Variants in ADAMTS3 observed in about 807,000 individuals in gnomAD.
ADAMTS3 encodes ADAM metallopeptidase with thrombospondin type 1 motif 3, also known as A disintegrin and metalloproteinase with thrombospondin motifs 3.
ADAMTS3 carries 73 observed loss-of-function variants against 129.0 expected under a neutral mutation model. The observed-to-expected ratio is 0.57, with a 90% CI of 0.47 to 0.69. ADAMTS3 has a LOEUF of 0.69. Ranked by LOEUF, ADAMTS3 falls within the 30% of genes least tolerant of loss-of-function variation. The pLI, the probability that ADAMTS3 is intolerant of heterozygous loss-of-function variation, is 0.00. For synonymous variants in ADAMTS3, 477 were observed against 510.8 expected (o/e 0.93, Z 0.89); for missense variants, 1,457 against 1,514.5 (o/e 0.96, Z 0.63).
At chr4:72,393,507 C>T (rs976600998) in intron 4 of ADAMTS3, among the ~76,000 whole-genome samples, 1 of 152,072 alleles carries the variant, frequency 6.6e-6, no homozygotes, top group African/African-American at 2.4e-5. Context: ...CTTAGCATCC[C>T]ACCTCCCAAT....
chr4:72,287,671 C>T (rs1168823898), intron 21 of ADAMTS3, among the ~76,000 whole-genome samples: 2 of 152,006 alleles, frequency 1.3e-5, no homozygotes, highest in African/African-American at 4.8e-5. Flanking sequence ...AAATGAGCCA[C>T]ATACAGGCAG....
At chr4:72,528,687 C>G (rs1720879855) in intron 3 of ADAMTS3, among the ~76,000 whole-genome samples, 1 of 152,024 alleles carries the variant, frequency 6.6e-6, no homozygotes, top group Non-Finnish European at 1.5e-5. Context: ...ACCTCAAAAA[C>G]TTTCAAGTTC....
At chr4:72,347,464 GA>G (rs138186581) in intron 4 of ADAMTS3, among the ~76,000 whole-genome samples, 2,658 of 151,604 alleles carry the variant, frequency 0.018, 81 homozygotes, top group African/African-American at 0.061. Flanking sequence ...ACAGTGCTCT[GA>G]AAAAGACTAC....
intron 4 of ADAMTS3, among the ~76,000 whole-genome samples, chr4:72,354,584 C>A (rs1720527398): frequency 6.6e-6 from 1 of 151,920 alleles, no homozygotes; most frequent in Admixed American, 6.6e-5. Context: ...GCAAATCATT[C>A]AATAATAGAG....
At chr4:72,306,574 T>C (rs1306998135) in intron 15 of ADAMTS3, among the ~76,000 whole-genome samples, 2 of 152,030 alleles carry the variant, frequency 1.3e-5, no homozygotes, top group Non-Finnish European at 2.9e-5. Flanking sequence ...TTCTTTATTC[T>C]AAAGGAGTTA....
intron 3 of ADAMTS3, among the ~76,000 whole-genome samples, chr4:72,483,815 G>A (rs1021829681): frequency 7.9e-5 from 12 of 152,118 alleles, no homozygotes; most frequent in African/African-American, 2.9e-4. Flanking sequence ...TCAGGAGATT[G>A]AGACCATCCT....
At chr4:72,475,020 C>CCG (rs1407499693) in intron 3 of ADAMTS3, among the ~76,000 whole-genome samples, 3 of 148,046 alleles carry the variant, frequency 2.0e-5, no homozygotes, top group African/African-American at 7.4e-5. Flanking sequence ...GAGCGAGACT[C>CCG]CGTCTAAAAA....
intron 3 of ADAMTS3, among the ~76,000 whole-genome samples, chr4:72,462,453 C>G (rs1718796640): frequency 1.3e-5 from 2 of 151,960 alleles, no homozygotes; most frequent in South Asian, 2.1e-4. Context: ...CCAAGCACAT[C>G]AAAGAAACAT....
chr4:72,344,131 TA>T (rs1214079338), intron 4 of ADAMTS3, among the ~76,000 whole-genome samples: 2 of 152,120 alleles, frequency 1.3e-5, no homozygotes, highest in Admixed American at 6.6e-5. Flanking sequence ...TAAATACAGT[TA>T]TTTTTAGTGT....
chr4:72,314,803 A>G (rs1719346899), intron 11 of ADAMTS3, among the ~76,000 whole-genome samples: 1 of 152,168 alleles, frequency 6.6e-6, no homozygotes, highest in Non-Finnish European at 1.5e-5. Flanking sequence ...TTTTATTATT[A>G]TTATGCATAT....
chr4:72,358,456 A>C (rs1466276209), intron 4 of ADAMTS3, among the ~76,000 whole-genome samples: 1 of 151,972 alleles, frequency 6.6e-6, no homozygotes, highest in Non-Finnish European at 1.5e-5. Context: ...TGGGCTGTAC[A>C]TATATAATAT....
intron 4 of ADAMTS3, among the ~76,000 whole-genome samples, chr4:72,362,496 G>A (rs1720755167): frequency 6.6e-6 from 1 of 152,104 alleles, no homozygotes. Context: ...TGTCAAAGTA[G>A]CCCTTATTAT....
At chr4:72,518,169 A>G (rs939064991) in intron 3 of ADAMTS3, among the ~76,000 whole-genome samples, 13 of 151,922 alleles carry the variant, frequency 8.6e-5, no homozygotes, top group African/African-American at 3.1e-4. Context: ...CTTAATCCTG[A>G]GTTCTAGTTT....
At position 72,312,388 on chromosome 4, in the gene ADAMTS3, GT is replaced by G. The variant is rs1424711835; in HGVS notation, c.1823del (p.His608ProfsTer53). 6.2e-7 allele frequency: 1 copy of G among 1,613,652 alleles called. No homozygotes were observed. The highest frequency in any genetic ancestry group is 8.5e-7 in the Non-Finnish European group (1 of 1,179,814). ...ACTGCTGTGCTCTGAAGTCCTCAAA[GT>G]GTTTTTGGCATTCTTCTGTGTTACA... Reference protein sequence around the residue: ...QLCNTEECQKHFEDFRAQQCQ... With the variant: ...QLCNTEECQKXFEDFRAQQCQ... On this transcript the variant is annotated frameshift_variant, in exon 13 of 22. Transcript: ENST00000286657. LOFTEE classifies it high-confidence loss of function.
chr4:72,401,017 A>T (rs1324339129), intron 4 of ADAMTS3, among the ~76,000 whole-genome samples: 1 of 150,976 alleles, frequency 6.6e-6, no homozygotes, highest in East Asian at 2.1e-4. Context: ...TACAGGGGCC[A>T]TTAGTCGTAT....
intron 3 of ADAMTS3, among the ~76,000 whole-genome samples, chr4:72,483,731 G>A (rs1578723678): frequency 1.3e-5 from 2 of 152,116 alleles, no homozygotes; most frequent in East Asian, 3.9e-4. Flanking sequence ...CATTAAGATA[G>A]CATTTGTGCC....
At chr4:72,363,734 C>T (rs537194948) in intron 4 of ADAMTS3, among the ~76,000 whole-genome samples, 4 of 149,832 alleles carry the variant, frequency 2.7e-5, no homozygotes, top group Non-Finnish European at 4.4e-5. Context: ...TCATACCAAA[C>T]GTTATAAAAA....
intron 6 of ADAMTS3, 66 bp downstream of exon 6, chr4:72,322,948 C>T (rs1719596231): frequency 3.2e-6 from 4 of 1,262,718 alleles, no homozygotes; most frequent in Non-Finnish European, 1.2e-6. Flanking sequence ...GTAGCTTGAA[C>T]AATTTAGTCT....
At chr4:72,451,727 A>G (rs1718411825) in intron 3 of ADAMTS3, among the ~76,000 whole-genome samples, 1 of 151,270 alleles carries the variant, frequency 6.6e-6, no homozygotes, top group South Asian at 2.1e-4. Flanking sequence ...TATACGTTAA[A>G]GGAAATATGA....
Sources: allele counts gnomAD v4.1 joint callset (sites outside exome capture counted in the v4.1 genomes callset), GRCh38; gene constraint gnomAD v4.1.1; transcripts MANE v1.5; gene names NCBI Gene and HGNC (gene_info 2026-07-23, HGNC 2026-07-21).